The following CCNY variants were observed in gnomAD, a reference collection of about 807,000 sequenced individuals.
CCNY encodes cyclin-Y.
A neutral mutation model predicts 42.8 loss-of-function variants in CCNY; 19 were observed. The ratio of observed to expected loss-of-function variants is 0.44; its 90% CI spans 0.31 to 0.65. CCNY has a LOEUF of 0.65. CCNY is among the 30% of genes least tolerant of loss of function. CCNY has a pLI of 0.07. For missense variants in CCNY, 370 were observed against 437.3 expected, an observed-to-expected ratio of 0.85 and a Z score of 1.37; for synonymous variants, 165 against 162.7, an observed-to-expected ratio of 1.01 and a Z score of -0.11.
At chr10:35,487,541 G>A (rs756210642) in intron 2 of CCNY, among the ~76,000 whole-genome samples, 2 of 152,084 alleles carry the variant, frequency 1.3e-5, no homozygotes, top group Non-Finnish European at 2.9e-5. Flanking sequence ...GATTTAGATG[G>A]CACTTGCATG....
chr10:35,366,745 T>C (rs143087708), intron 1 of CCNY, among the ~76,000 whole-genome samples: 14 of 152,352 alleles, frequency 9.2e-5, no homozygotes, highest in Non-Finnish European at 1.5e-4. Context: ...GGAAATGTTA[T>C]ATATCTGCAC....
At chr10:35,264,125 G>T (rs998846744) in intron 3 of CCNY, among the ~76,000 whole-genome samples, 5 of 152,160 alleles carry the variant, frequency 3.3e-5, no homozygotes, top group African/African-American at 1.2e-4. Context: ...ATTGTGAATA[G>T]TCCTGTAGTG....
intron 1 of CCNY, among the ~76,000 whole-genome samples, chr10:35,449,505 T>C (rs76026347): frequency 0.011 from 1,680 of 152,154 alleles, 19 homozygotes; most frequent in Non-Finnish European, 0.014. Flanking sequence ...GGAGCCTGGC[T>C]GAACAGGAAG....
intron 1 of CCNY, among the ~76,000 whole-genome samples, chr10:35,379,095 G>A (rs1241660742): frequency 6.6e-6 from 1 of 152,178 alleles, no homozygotes; most frequent in Non-Finnish European, 1.5e-5. Context: ...CACAAAGTTT[G>A]GTTCACGTGT....
chr10:35,563,756 G>GA (rs1841511320), intron 8 of CCNY, among the ~76,000 whole-genome samples: 1 of 152,102 alleles, frequency 6.6e-6, no homozygotes, highest in African/African-American at 2.4e-5. Context: ...GCCCAGGCTG[G>GA]AGTGCAGTGG....
chr10:35,326,382 G>A (rs557098249), intron 3 of CCNY, among the ~76,000 whole-genome samples: 1 of 152,156 alleles, frequency 6.6e-6, no homozygotes, highest in African/African-American at 2.4e-5. Flanking sequence ...GCAATGAAAC[G>A]GCAGGGCGCT....
intron 1 of CCNY, among the ~76,000 whole-genome samples, chr10:35,408,730 A>T (rs1440227310): frequency 1.3e-5 from 2 of 152,140 alleles, no homozygotes; most frequent in Admixed American, 1.3e-4. Flanking sequence ...ATGATGGCTT[A>T]GCTTGGGCTC....
chr10:35,380,010 T>C (rs1273669132), intron 1 of CCNY, among the ~76,000 whole-genome samples: 3 of 152,152 alleles, frequency 2.0e-5, no homozygotes, highest in Non-Finnish European at 2.9e-5. Flanking sequence ...TAGTCAACAG[T>C]TTGTATGGGA....
chr10:35,335,018 G>GT (rs201264212), upstream of CCNY, among the ~76,000 whole-genome samples: 1,413 of 150,898 alleles, frequency 9.4e-3, 22 homozygotes, highest in African/African-American at 0.032. Flanking sequence ...TATTGTACTA[G>GT]TTTTTTTTTC....
upstream of CCNY, chr10:35,332,481 T>C (rs529979242): frequency 6.6e-6 from 1 of 152,356 alleles, no homozygotes; most frequent in South Asian, 2.1e-4. Flanking sequence ...CTATAAATTA[T>C]ACAAGTTGAT....
intron 2 of CCNY, among the ~76,000 whole-genome samples, chr10:35,492,360 G>C (rs1156267187): frequency 1.3e-5 from 2 of 152,182 alleles, no homozygotes; most frequent in African/African-American, 4.8e-5. Context: ...ATGCTTCCCT[G>C]TTTCTCTTCA....
At chr10:35,305,003 A>C (rs1835590017) in intron 3 of CCNY, among the ~76,000 whole-genome samples, 1 of 152,068 alleles carries the variant, frequency 6.6e-6, no homozygotes, top group Admixed American at 6.5e-5. Context: ...CTAATATACA[A>C]GTGTCATGTA....
intron 1 of CCNY, among the ~76,000 whole-genome samples, chr10:35,460,363 G>C (rs985946101): frequency 2.6e-5 from 4 of 151,934 alleles, no homozygotes; most frequent in African/African-American, 9.7e-5. Flanking sequence ...TCATACCTAG[G>C]AAGAAGCATC....
At chr10:35,503,662 G>A (rs941265700) in intron 3 of CCNY, among the ~76,000 whole-genome samples, 6 of 152,224 alleles carry the variant, frequency 3.9e-5, no homozygotes, top group African/African-American at 1.4e-4. Context: ...GCCAGGCTCT[G>A]CTGTAATTGG....
intron 1 of CCNY, among the ~76,000 whole-genome samples, chr10:35,343,591 T>C (rs183403720): frequency 6.6e-6 from 1 of 151,862 alleles, no homozygotes; most frequent in African/African-American, 2.4e-5. Flanking sequence ...GGTTTTGCCA[T>C]GTTGGCCAGG....
At chr10:35,433,622 G>T (rs887638615) in intron 1 of CCNY, among the ~76,000 whole-genome samples, 5 of 152,260 alleles carry the variant, frequency 3.3e-5, no homozygotes, top group African/African-American at 1.2e-4. Context: ...AGAAATAGTG[G>T]TTTTTTGAGA....
At chr10:35,567,753 A>G (rs977413269) in intron 9 of CCNY, among the ~76,000 whole-genome samples, 3 of 152,272 alleles carry the variant, frequency 2.0e-5, no homozygotes, top group South Asian at 4.1e-4. Context: ...GAAGTAAACC[A>G]TAGAAAAGAC....
intron 1 of CCNY, among the ~76,000 whole-genome samples, chr10:35,346,527 G>A (rs1479831817): frequency 6.6e-6 from 1 of 152,228 alleles, no homozygotes; most frequent in Non-Finnish European, 1.5e-5. Flanking sequence ...ACTCCAGACT[G>A]CCACTTTGTT....
At chr10:35,324,990 T>C (rs187236602) in intron 3 of CCNY, among the ~76,000 whole-genome samples, 11 of 152,190 alleles carry the variant, frequency 7.2e-5, no homozygotes, top group Admixed American at 2.6e-4. Context: ...CTAGAAGAGA[T>C]TGAAATTTTA....
Sources: gnomAD v4.1 joint callset for allele counts (sites outside exome capture counted in the v4.1 genomes callset) on GRCh38, gnomAD v4.1.1 for gene constraint, MANE v1.5 for transcripts, NCBI Gene and HGNC (gene_info 2026-07-23, HGNC 2026-07-21) for gene names.